The following PDPR variants were observed in gnomAD, a reference collection of about 807,000 sequenced individuals.
PDPR encodes the protein pyruvate dehydrogenase phosphatase regulatory subunit, also known as pyruvate dehydrogenase phosphatase regulatory subunit, mitochondrial.
PDPR carries 50 observed loss-of-function variants against 102.2 expected under a neutral mutation model. That is an observed-to-expected ratio of 0.49 (90% confidence interval 0.39 to 0.62). The LOEUF (loss-of-function observed/expected upper bound fraction) is 0.62. PDPR is among the 20% of genes least tolerant of loss of function. The pLI is 0.00. For missense variants in PDPR, 625 were observed against 1,098.2 expected (o/e 0.57, Z 6.09); for synonymous variants, 259 against 406.0 (o/e 0.64, Z 4.35).
intron 17 of PDPR, among the ~76,000 whole-genome samples, chr16:70,149,824 T>A (rs1258996838): frequency 6.6e-6 from 1 of 152,244 alleles, no homozygotes; most frequent in Non-Finnish European, 1.5e-5. Context: ...GGAGTCTCAC[T>A]CTGTCGCCCA....
At position 70,153,543 on chromosome 16, in the gene PDPR, T is replaced by G; in HGVS notation, c.2205T>G (p.Cys735Trp). ...DINNLTTPLE[C>W]GRESRVKLEK... ...ATAACCTCACCACGCCCCTGGAATG[T>G]GGACGAGAGTCTCGGGTGAAATTAG... The change falls in exon 18 of 19, where the codon TGT (cysteine) becomes TGG (tryptophan). Residue 735 changes from cysteine (C) to tryptophan (W), a missense_variant. Physicochemically the swap from Cys to Trp is radical, Grantham distance 215. This residue lies in a region of PDPR where 303 missense variants were observed against 258.9 expected (regional missense o/e 1.17). Coordinates refer to ENST00000288050, the MANE Select transcript of PDPR (RefSeq NM_017990.5). The G allele has an allele frequency of 6.2e-7, 1 of 1,609,854 alleles. No individual in the cohort carries two copies. The highest frequency in any genetic ancestry group is 2.2e-5 in the East Asian group (1 of 44,740).
intron 2 of PDPR, among the ~76,000 whole-genome samples, chr16:70,116,141 G>A (rs1429049149): frequency 1.4e-5 from 2 of 147,202 alleles, no homozygotes; most frequent in African/African-American, 2.5e-5. Context: ...GCAGTGGCGC[G>A]AATCTGCCCA....
chr16:70,160,482 A>G lies in PDPR; in HGVS notation c.*3603A>G, dbSNP rs1256068327. 8 of 152,986 alleles carry G rather than the reference A, an allele frequency of 5.2e-5. No individual in the cohort carries two copies. Among genetic ancestry groups the G allele is most frequent in the African/African-American group, 9.6e-5 (4 of 41,612 alleles). The allele number at this position is 152,986 out of a possible 1,614,324, so 9.5% of individuals were successfully genotyped here. A position where few individuals can be genotyped will look rare whatever the true frequency, so the allele number is the denominator to read the frequency against. The stretch of plus-strand genomic sequence containing the variant: ...CTCTTCCAGGGATCCCTGTCCCCCG[A>G]CATTGAAGAGATCTCATTCAGGCCA... On this transcript the variant is annotated 3_prime_UTR_variant, in exon 19 of 19. Transcript: ENST00000288050.
intron 18 of PDPR, 186 bp from the exon 19 acceptor site, chr16:70,156,289 T>G (rs1967177770): frequency 1.4e-6 from 1 of 698,758 alleles, no homozygotes; most frequent in Non-Finnish European, 2.3e-6. Flanking sequence ...CCGCGGCGTC[T>G]TTTATATTTC....
At chr16:70,114,504 C>G (rs572431268) in intron 1 of PDPR, 64 bp downstream of exon 1, 3 of 152,302 alleles carry the variant, frequency 2.0e-5, no homozygotes, top group African/African-American at 7.2e-5. Context: ...CGCCCCGGGA[C>G]CCCTGGGTTC....
intron 16 of PDPR, among the ~76,000 whole-genome samples, chr16:70,146,725 G>A (rs1221032890): frequency 1.9e-4 from 5 of 25,944 alleles, no homozygotes; most frequent in Non-Finnish European, 3.4e-4. Flanking sequence ...AAAATTAGCC[G>A]GGTGTGGTGG....
At chr16:70,141,224 A>T (rs1160861724) in intron 11 of PDPR, among the ~76,000 whole-genome samples, 1 of 152,142 alleles carries the variant, frequency 6.6e-6, no homozygotes, top group Admixed American at 6.6e-5. Context: ...TGGCTAATTT[A>T]TGTATTTTTA....
At chr16:70,143,386 A>C in intron 13 of PDPR, 124 bp from the exon 14 acceptor site, 1 of 1,247,010 alleles carries the variant, frequency 8.0e-7, no homozygotes, top group Non-Finnish European at 1.1e-6. Context: ...GTAGGTCTGC[A>C]AATGTTGTCA....
At chr16:70,146,342 G>C in intron 16 of PDPR, 114 bp downstream of exon 16, 1 of 1,539,042 alleles carries the variant, frequency 6.5e-7, no homozygotes, top group East Asian at 2.3e-5. Context: ...GTCTTGGCTG[G>C]GTGAGGTGGC....
chr16:70,134,139 A>C (rs938944087), intron 9 of PDPR, among the ~76,000 whole-genome samples: 7 of 152,370 alleles, frequency 4.6e-5, no homozygotes, highest in African/African-American at 1.4e-4. Flanking sequence ...TTTAGAAAAC[A>C]GAATTGTTTT....
chr16:70,121,324 A>G (rs1331036536), intron 3 of PDPR, among the ~76,000 whole-genome samples: 1 of 151,920 alleles, frequency 6.6e-6, no homozygotes, highest in Non-Finnish European at 1.5e-5. Flanking sequence ...TAATAGTTAC[A>G]GAGATTACAG....
chr16:70,156,767 A>T lies in PDPR; in HGVS notation c.2528A>T (p.Asp843Val), dbSNP rs1967259615. ...DFINRGEYEI[D>V]IAGYRFQAKA... ...ATCAACCGGGGAGAGTATGAGATTGACATCGCGGGATACCGCTTCCAGGCC... is the reference window on the plus strand; with the variant it reads ...ATCAACCGGGGAGAGTATGAGATTGTCATCGCGGGATACCGCTTCCAGGCC... Residue 843 changes from aspartate (D) to valine (V), a missense_variant, in exon 19 of 19, where the codon GAC (aspartate) becomes GTC (valine). By Grantham distance (152) the Asp-to-Val change is radical (BLOSUM62 -3). Transcript: ENST00000288050. The T allele has an allele frequency of 8.1e-6, 13 of 1,614,076 alleles. No individual in the cohort carries two copies. Among genetic ancestry groups the T allele is most frequent in the Non-Finnish European group, 1.1e-5 (13 of 1,179,892 alleles).
intron 3 of PDPR, among the ~76,000 whole-genome samples, chr16:70,126,459 G>A (rs1339486979): frequency 1.3e-5 from 2 of 152,262 alleles, no homozygotes; most frequent in African/African-American, 4.8e-5. Context: ...CACCTCCCGG[G>A]TTCATGCCAT....
rs1182180702 is a variant in PDPR at position 70,157,139 on chromosome 16, GGAGGTAT to G, written c.*262_*268del. ...CCTCACTCAGCTTCTCGTGGTGGCAGGAGGTATGTCTGACAGGACAGAAGCAAGCTCC... is the reference window on the plus strand; with the variant it reads ...CCTCACTCAGCTTCTCGTGGTGGCAGGTCTGACAGGACAGAAGCAAGCTCC... On this transcript the variant is annotated 3_prime_UTR_variant, in exon 19 of 19. Transcript: ENST00000288050. 9.0e-6 allele frequency: 6 copies of G among 668,732 alleles called. No individual in the cohort carries two copies. The Admixed American group carries it at 1.3e-4, about 14-fold the overall frequency. 41.4% of individuals were successfully genotyped at this position (668,732 alleles called of 1,614,324 possible).
chr16:70,124,728 C>T (rs1226777704), intron 3 of PDPR, among the ~76,000 whole-genome samples: 19 of 152,338 alleles, frequency 1.2e-4, no homozygotes, highest in Non-Finnish European at 2.4e-4. Flanking sequence ...ATGGAACTCC[C>T]ACCTGGGGTG....
At position 70,151,536 on chromosome 16, in the gene PDPR, G is replaced by A. The variant is rs922272653; in HGVS notation, c.2053-1855G>A. Among the ~76,000 whole-genome samples, 6 of 152,294 alleles carry A rather than the reference G, an allele frequency of 3.9e-5. No individual in the cohort carries two copies. The East Asian group carries it at 1.2e-3, about 29-fold the overall frequency. On this transcript the variant is annotated intron_variant, in intron 17 of 18. Coordinates refer to ENST00000288050, the MANE Select transcript of PDPR (RefSeq NM_017990.5). ...GGGAAGAATTTAAACAGATGCAGCT[G>A]CCATGGTTGGCCTGTGCAGGCAGGT... is the stretch of plus-strand genomic sequence containing the variant.
chr16:70,127,604 A>G (rs1964106764), intron 4 of PDPR, among the ~76,000 whole-genome samples: 1 of 152,248 alleles, frequency 6.6e-6, no homozygotes, highest in African/African-American at 2.4e-5. Context: ...CCTGGCTAAC[A>G]TGGTGAAACC....
chr16:70,130,231 C>T (rs1368898691), intron 6 of PDPR, among the ~76,000 whole-genome samples, 192 bp from the exon 7 acceptor site: 7 of 152,240 alleles, frequency 4.6e-5, no homozygotes, highest in East Asian at 1.9e-4. Flanking sequence ...AGGCAGAGAG[C>T]GAGCCAAGAT....
intron 3 of PDPR, 112 bp from the exon 4 acceptor site, chr16:70,127,148 C>T (rs1964060140): frequency 6.5e-7 from 1 of 1,533,290 alleles, no homozygotes; most frequent in South Asian, 1.3e-5. Context: ...AGCCACTGTG[C>T]CCAGCTTGTT....
Sources: allele counts gnomAD v4.1 joint callset (sites outside exome capture counted in the v4.1 genomes callset), GRCh38; gene constraint gnomAD v4.1.1; regional missense constraint gnomAD v4.1.1; transcripts MANE v1.5; gene names NCBI Gene and HGNC (gene_info 2026-07-23, HGNC 2026-07-21).